DGKI: variants seen among roughly 807,000 people sequenced by gnomAD.
The protein encoded by DGKI is diacylglycerol kinase iota.
Under a neutral mutation model 147.5 loss-of-function variants are expected in DGKI, and 55 were observed. The ratio of observed to expected loss-of-function variants is 0.37; its 90% CI spans 0.30 to 0.47. The LOEUF is 0.47. Ranked by LOEUF, DGKI falls within the 20% of genes least tolerant of loss-of-function variation. The pLI, the probability that DGKI is intolerant of heterozygous loss-of-function variation, is 1.00. For missense variants in DGKI, 1,007 were observed against 1,323.8 expected, an observed-to-expected ratio of 0.76 and a Z score of 3.71; for synonymous variants, 469 against 477.1, an observed-to-expected ratio of 0.98 and a Z score of 0.22.
At chr7:137,835,329 A>G (rs1798342557) in intron 1 of DGKI, among the ~76,000 whole-genome samples, 1 of 152,146 alleles carries the variant, frequency 6.6e-6, no homozygotes, top group African/African-American at 2.4e-5. Flanking sequence ...AAGTCTGGTT[A>G]TTAGGTAATC....
intron 1 of DGKI, among the ~76,000 whole-genome samples, chr7:137,810,660 TA>T (rs1449728199): frequency 2.6e-5 from 4 of 152,168 alleles, no homozygotes; most frequent in Non-Finnish European, 4.4e-5. Context: ...TGCCTGTCTA[TA>T]AAGAATTGGC....
At chr7:137,474,682 TCC>T (rs1280758141) in intron 23 of DGKI, among the ~76,000 whole-genome samples, 1 of 152,178 alleles carries the variant, frequency 6.6e-6, no homozygotes, top group East Asian at 1.9e-4. Flanking sequence ...CAAAAAATGT[TCC>T]TGTCCTTGAG....
chr7:137,720,759 T>A (rs1404186624), intron 1 of DGKI, among the ~76,000 whole-genome samples: 1 of 152,236 alleles, frequency 6.6e-6, no homozygotes, highest in African/African-American at 2.4e-5. Flanking sequence ...CCTTTATTCC[T>A]ATTTGGTTAA....
At chr7:137,706,514 CATTTT>C (rs1794032413) in intron 1 of DGKI, among the ~76,000 whole-genome samples, 2 of 105,534 alleles carry the variant, frequency 1.9e-5, no homozygotes, top group Admixed American at 1.9e-4. Context: ...TATTTTATTT[CATTTT>C]ATTTTATTTC....
chr7:137,727,450 C>A (rs926163319), intron 1 of DGKI, among the ~76,000 whole-genome samples: 4 of 152,134 alleles, frequency 2.6e-5, no homozygotes, highest in African/African-American at 9.7e-5. Context: ...CTTCTCCTTG[C>A]CCATAATTTT....
At chr7:137,564,433 GA>G (rs1818514743) in intron 19 of DGKI, among the ~76,000 whole-genome samples, 1 of 151,728 alleles carries the variant, frequency 6.6e-6, no homozygotes, top group South Asian at 2.1e-4. Context: ...ACACAAAAAG[GA>G]AAAGTATAAA....
intron 1 of DGKI, among the ~76,000 whole-genome samples, chr7:137,717,009 C>T (rs1794396010): frequency 6.6e-6 from 1 of 152,212 alleles, no homozygotes; most frequent in Non-Finnish European, 1.5e-5. Context: ...TCTTATGGAA[C>T]TCATCCTATT....
intron 5 of DGKI, among the ~76,000 whole-genome samples, chr7:137,647,872 C>T (rs10155828): frequency 0.098 from 14,961 of 152,204 alleles, 2,113 homozygotes; most frequent in African/African-American, 0.31. Flanking sequence ...TATCAGAGGG[C>T]TTGACTTGAA....
At chr7:137,562,833 T>C (rs529957747) in intron 19 of DGKI, among the ~76,000 whole-genome samples, 12 of 152,154 alleles carry the variant, frequency 7.9e-5, no homozygotes, top group African/African-American at 2.2e-4. Context: ...TTATGAAATA[T>C]ATAAGGAAAA....
At chr7:137,707,263 G>A (rs893416323) in intron 1 of DGKI, among the ~76,000 whole-genome samples, 13 of 152,180 alleles carry the variant, frequency 8.5e-5, no homozygotes. Flanking sequence ...TTGGAAGAAG[G>A]AAGGAGAAGG....
At chr7:137,475,925 A>G (rs71541355) in intron 23 of DGKI, among the ~76,000 whole-genome samples, 3 of 152,184 alleles carry the variant, frequency 2.0e-5, no homozygotes, top group African/African-American at 7.2e-5. Context: ...AAAATAGAAG[A>G]CAGCAGAATA....
intron 20 of DGKI, among the ~76,000 whole-genome samples, chr7:137,527,798 A>AT (rs1238176526): frequency 1.3e-5 from 2 of 152,136 alleles, no homozygotes; most frequent in Non-Finnish European, 2.9e-5. Context: ...GTAATAATGA[A>AT]TTGCCTTAAC....
intron 1 of DGKI, among the ~76,000 whole-genome samples, chr7:137,732,308 A>T (rs1401959965): frequency 6.6e-6 from 1 of 152,072 alleles, no homozygotes; most frequent in South Asian, 2.1e-4. Context: ...GTAGAGCTCT[A>T]ATAATACTGG....
chr7:137,522,148 C>A (rs1563066694), intron 20 of DGKI, among the ~76,000 whole-genome samples, 182 bp from the exon 21 acceptor site: 1 of 151,858 alleles, frequency 6.6e-6, no homozygotes, highest in Non-Finnish European at 1.5e-5. Flanking sequence ...CTCCAGAAAC[C>A]AAAAGTTTCT....
intron 1 of DGKI, among the ~76,000 whole-genome samples, chr7:137,776,951 G>A (rs1387287164): frequency 6.6e-6 from 1 of 152,116 alleles, no homozygotes. Context: ...TTGGGAGGCT[G>A]AGGCAAAAGA....
intron 30 of DGKI, among the ~76,000 whole-genome samples, chr7:137,403,236 A>T (rs1202565213): frequency 6.6e-6 from 1 of 152,140 alleles, no homozygotes; most frequent in Non-Finnish European, 1.5e-5. Context: ...CAACTCTCTA[A>T]ATGTCCAAAT....
intron 1 of DGKI, chr7:137,843,279 A>T (rs1042902153): frequency 9.3e-5 from 20 of 216,106 alleles, no homozygotes; most frequent in South Asian, 1.6e-4. Context: ...ACAGCAGTTT[A>T]AAAAAAAAAA....
At chr7:137,614,422 G>A (rs1820463938) in intron 8 of DGKI, among the ~76,000 whole-genome samples, 1 of 152,050 alleles carries the variant, frequency 6.6e-6, no homozygotes, top group Non-Finnish European at 1.5e-5. Context: ...ATATGCACTG[G>A]TATTTGACCA....
In DGKI at chr7:137,838,310, G is replaced by C. The variant is rs140584508; in HGVS notation, c.401+8152C>G. ...TTCCTTCAAAACTCTTAAAGAGAAT[G>C]CTTTCAGTCTGAAAGAGATTGTCTC... On this transcript the variant is annotated intron_variant, in intron 1 of 32. Coordinates refer to ENST00000614521, the MANE Select transcript of DGKI (RefSeq NM_001321708.2). 1.3e-4 allele frequency among the ~76,000 whole-genome samples: 20 copies of C among 152,240 alleles called. No individual in the cohort carries two copies. The East Asian group carries it at 3.5e-3, about 27-fold the overall frequency.
Sources: gnomAD v4.1 joint callset for allele counts (sites outside exome capture counted in the v4.1 genomes callset) on GRCh38, gnomAD v4.1.1 for gene constraint, MANE v1.5 for transcripts, NCBI Gene and HGNC (gene_info 2026-07-23, HGNC 2026-07-21) for gene names.